The following PRKCZ variants were observed in gnomAD, a reference collection of about 807,000 sequenced individuals.
PRKCZ encodes protein kinase C zeta type.
Under a neutral mutation model 79.5 loss-of-function variants are expected in PRKCZ, and 33 were observed. The observed-to-expected ratio is 0.41, with a 90% CI of 0.31 to 0.55. The LOEUF is 0.55. Ranked by LOEUF, PRKCZ falls within the 20% of genes least tolerant of loss-of-function variation. The pLI is 0.19. For synonymous variants in PRKCZ, 342 were observed against 320.9 expected, an observed-to-expected ratio of 1.07 and a Z score of -0.70; for missense variants, 578 against 813.5, an observed-to-expected ratio of 0.71 and a Z score of 3.52.
chr1:2,095,307 AC>A (rs1489035934), intron 4 of PRKCZ, among the ~76,000 whole-genome samples: 2 of 152,116 alleles, frequency 1.3e-5, no homozygotes, highest in East Asian at 3.9e-4. Context: ...TCCTGAGCTC[AC>A]CATGGTTTTG....
chr1:2,083,291 C>T (rs1436351490), intron 4 of PRKCZ, among the ~76,000 whole-genome samples: 4 of 152,122 alleles, frequency 2.6e-5, no homozygotes, highest in Non-Finnish European at 1.5e-5. Flanking sequence ...CCTCACCAGT[C>T]TCTGATTCCA....
At chr1:2,138,626 G>A (rs912521116) in intron 5 of PRKCZ, among the ~76,000 whole-genome samples, 3 of 151,122 alleles carry the variant, frequency 2.0e-5, no homozygotes, top group African/African-American at 7.4e-5. Flanking sequence ...TAAACGGCAG[G>A]TGGATTGAGG....
At chr1:2,052,389 C>T (rs1192219721) in intron 1 of PRKCZ, among the ~76,000 whole-genome samples, 1 of 151,556 alleles carries the variant, frequency 6.6e-6, no homozygotes, top group Non-Finnish European at 1.5e-5. Context: ...CTTCCTCTTC[C>T]CTCCCTTCCC....
intron 4 of PRKCZ, chr1:2,073,531 C>A: frequency 1.3e-6 from 1 of 770,150 alleles, no homozygotes. Context: ...TCAAGGTCCG[C>A]TGAGTCCGAG....
chr1:2,080,767 G>A (rs1407859196), intron 4 of PRKCZ, among the ~76,000 whole-genome samples: 2 of 152,126 alleles, frequency 1.3e-5, no homozygotes, highest in South Asian at 4.1e-4. Context: ...AGGGCCCCAC[G>A]TGGCACTTGG....
chr1:2,073,790 G>A (rs948622224), intron 4 of PRKCZ: 12 of 1,018,934 alleles, frequency 1.2e-5, no homozygotes, highest in Admixed American at 1.0e-4. Flanking sequence ...CCTCGCGCTC[G>A]AGCCTCCCTG....
intron 4 of PRKCZ, among the ~76,000 whole-genome samples, chr1:2,118,235 G>A (rs1671137868): frequency 6.6e-6 from 1 of 151,776 alleles, no homozygotes; most frequent in Non-Finnish European, 1.5e-5. Context: ...GACCTTAGGT[G>A]ATCCGCCCGC....
At chr1:2,122,844 T>C (rs1420394196) in intron 4 of PRKCZ, among the ~76,000 whole-genome samples, 5 of 2,762 alleles carry the variant, frequency 1.8e-3, no homozygotes, top group African/African-American at 0.014. Flanking sequence ...TGGTTAGGGT[T>C]GTGGTGGTTA....
Position 2,078,425 on chromosome 1 carries a change from C to T in PRKCZ, c.334+18834C>T, listed in dbSNP as rs182334937. Among the ~76,000 whole-genome samples, 8 of 152,312 alleles carry T rather than the reference C, an allele frequency of 5.3e-5. 1 individual carries two copies. In the East Asian group the frequency reaches 1.5e-3, roughly 29 times the overall value. On this transcript the variant is annotated intron_variant, in intron 4 of 17. Transcript: ENST00000378567. ...TACTGTCTTCTGGCTTCTTGTGTGA[C>T]CGAGAAGTCAGGTGCCATTTTGATT...
At chr1:2,113,532 C>G (rs1670161035) in intron 4 of PRKCZ, among the ~76,000 whole-genome samples, 1 of 152,210 alleles carries the variant, frequency 6.6e-6, no homozygotes, top group African/African-American at 2.4e-5. Context: ...CCGATAGCCC[C>G]TTTGTCAGAG....
At chr1:2,136,991 G>A (rs1676331025) in intron 5 of PRKCZ, among the ~76,000 whole-genome samples, 2 of 152,186 alleles carry the variant, frequency 1.3e-5, no homozygotes, top group South Asian at 4.1e-4. Flanking sequence ...GGGCGCACAA[G>A]ACGAAGTCTT....
intron 4 of PRKCZ, among the ~76,000 whole-genome samples, chr1:2,064,220 T>G (rs961787900): frequency 1.7e-4 from 26 of 152,250 alleles, no homozygotes; most frequent in Non-Finnish European, 2.9e-5. Flanking sequence ...ATGGGTTGTT[T>G]GGTTTTTTTG....
At position 2,174,891 on chromosome 1, in the gene PRKCZ, A is replaced by G. The variant is rs1685138872; in HGVS notation, c.1485+58A>G. ...TTGTGGCCTCGGTGTTGGTGGGCAG[A>G]GGGCCAGGCACGGCTGTTGGCCATT... is the stretch of plus-strand genomic sequence containing the variant. On this transcript the variant is annotated intron_variant, in intron 15 of 17. Transcript: ENST00000378567. This position sits in a 1 kb window ranked among gnomAD's most constrained non-coding sequence, Gnocchi z 6.2. 4 of 1,555,300 alleles carry G rather than the reference A, an allele frequency of 2.6e-6. No homozygotes were observed. The highest frequency in any genetic ancestry group is 3.5e-6 in the Non-Finnish European group (4 of 1,127,830).
At chr1:2,130,173 T>G (rs1054064492) in intron 4 of PRKCZ, among the ~76,000 whole-genome samples, 17 of 152,156 alleles carry the variant, frequency 1.1e-4, no homozygotes, top group African/African-American at 3.4e-4. Flanking sequence ...ACCGAGGTAG[T>G]GGGGTTACAA....
chr1:2,174,884 T>C lies in PRKCZ; in HGVS notation c.1485+51T>C. On this transcript the variant is annotated intron_variant, in intron 15 of 17. Coordinates refer to ENST00000378567, the MANE Select transcript of PRKCZ (RefSeq NM_002744.6). This position sits in a 1 kb window ranked among gnomAD's most constrained non-coding sequence, Gnocchi z 6.2. Reference sequence around the variant, plus strand: ...ATCTCGTTTGTGGCCTCGGTGTTGGTGGGCAGAGGGCCAGGCACGGCTGTT... The same window carrying C: ...ATCTCGTTTGTGGCCTCGGTGTTGGCGGGCAGAGGGCCAGGCACGGCTGTT... 1 of 1,573,436 alleles carries C rather than the reference T, an allele frequency of 6.4e-7. No individual in the cohort carries two copies. The highest frequency in any genetic ancestry group is 8.7e-7 in the Non-Finnish European group (1 of 1,143,700).
rs545236674 is a variant in PRKCZ at position 2,090,836 on chromosome 1, C to CT, written c.334+31251dup. On this transcript the variant is annotated intron_variant, in intron 4 of 17. Transcript: ENST00000378567. ...AACATTTGGTTTACTTATTTTCAGA[C>CT]TTTTTTCCAAACAAATGGTTTATCC... is the stretch of plus-strand genomic sequence containing the variant. Among the ~76,000 whole-genome samples, 242 of 152,360 alleles carry CT rather than the reference C, an allele frequency of 1.6e-3. 1 individual carries two copies. Among genetic ancestry groups the CT allele is most frequent in the African/African-American group, 5.3e-3 (222 of 41,582 alleles).
At chr1:2,053,582 A>T (rs1659892057) in intron 1 of PRKCZ, among the ~76,000 whole-genome samples, 1 of 152,078 alleles carries the variant, frequency 6.6e-6, no homozygotes, top group Non-Finnish European at 1.5e-5. Flanking sequence ...ATAGGGTTGG[A>T]GGTGGTGGCC....
At chr1:2,150,385 C>T (rs1307966856) in intron 8 of PRKCZ, among the ~76,000 whole-genome samples, 1 of 152,170 alleles carries the variant, frequency 6.6e-6, no homozygotes, top group East Asian at 1.9e-4. Flanking sequence ...GCTGCATTCG[C>T]TTTACCTTCC....
Position 2,177,376 on chromosome 1 carries a change from T to A in PRKCZ, c.1575+2063T>A, listed in dbSNP as rs1234510597. On this transcript the variant is annotated intron_variant, in intron 16 of 17. Transcript: ENST00000378567. This position sits in a 1 kb window ranked among gnomAD's most constrained non-coding sequence, Gnocchi z 6.4. ...CCCGTGCCTTTCCCACCCTCTCTCT[T>A]CCAAGCCCACCACCGTATGGGGCCC... Among the ~76,000 whole-genome samples the A allele has an allele frequency of 6.6e-6, 1 of 151,988 alleles. No homozygotes were observed. Among genetic ancestry groups the A allele is most frequent in the Non-Finnish European group, 1.5e-5 (1 of 67,972 alleles).
Sources: allele counts gnomAD v4.1 joint callset (sites outside exome capture counted in the v4.1 genomes callset), GRCh38; gene constraint gnomAD v4.1.1; non-coding constraint Gnocchi (gnomAD v3.1); transcripts MANE v1.5; gene names NCBI Gene and HGNC (gene_info 2026-07-23, HGNC 2026-07-21).